MLANA: variants seen among roughly 807,000 people sequenced by gnomAD.
The protein encoded by MLANA is melan-A, also known as melanoma antigen recognized by T-cells 1.
A neutral mutation model predicts 15.7 loss-of-function variants in MLANA; 21 were observed. The ratio of observed to expected loss-of-function variants is 1.33; its 90% CI spans 0.95 to 1.92. The LOEUF is 1.92. Ranked by LOEUF, MLANA falls within the 40% of genes most tolerant of loss-of-function variation. The pLI is 0.00. For missense variants in MLANA, 164 were observed against 143.8 expected (o/e 1.14, Z -0.72); for synonymous variants, 56 against 51.5 (o/e 1.09, Z -0.37).
chr9:5,891,580 A>G (rs1831659809), intron 1 of MLANA, among the ~76,000 whole-genome samples: 1 of 152,198 alleles, frequency 6.6e-6, no homozygotes, highest in Non-Finnish European at 1.5e-5. Flanking sequence ...ATTCATGAGG[A>G]CAGTAAGAGA....
chr9:5,896,047 ACT>A (rs895638124), intron 2 of MLANA, among the ~76,000 whole-genome samples: 4 of 152,056 alleles, frequency 2.6e-5, no homozygotes, highest in African/African-American at 9.7e-5. Flanking sequence ...GGAAAGAGTG[ACT>A]CTGCAGGAAA....
At chr9:5,899,522 G>C (rs1489355225) in intron 3 of MLANA, among the ~76,000 whole-genome samples, 1 of 152,140 alleles carries the variant, frequency 6.6e-6, no homozygotes, top group African/African-American at 2.4e-5. Context: ...AGGAGGAGTT[G>C]ATGAATCTGA....
chr9:5,892,626 C>A, intron 2 of MLANA, 75 bp downstream of exon 2: 1 of 1,184,426 alleles, frequency 8.4e-7, no homozygotes, highest in Non-Finnish European at 1.2e-6. Flanking sequence ...TCCACCAGTA[C>A]ATGCCTGCTC....
chr9:5,892,330 C>A, intron 1 of MLANA, 120 bp from the exon 2 acceptor site: 1 of 553,752 alleles, frequency 1.8e-6, no homozygotes, highest in Admixed American at 3.9e-5. Flanking sequence ...CAGAGAGAAA[C>A]CAAAGGGTCC....
intron 3 of MLANA, among the ~76,000 whole-genome samples, chr9:5,899,473 G>C (rs1451006800): frequency 6.6e-6 from 1 of 152,152 alleles, no homozygotes; most frequent in Admixed American, 6.5e-5. Context: ...CACACCCACC[G>C]AGCATAGCCC....
At chr9:5,900,170 C>T (rs1343162165) in intron 3 of MLANA, among the ~76,000 whole-genome samples, 1 of 152,162 alleles carries the variant, frequency 6.6e-6, no homozygotes, top group Non-Finnish European at 1.5e-5. Context: ...ATGCTCTCAT[C>T]TTAAATTCAT....
intron 2 of MLANA, among the ~76,000 whole-genome samples, chr9:5,893,890 G>C (rs1831828277): frequency 6.6e-6 from 1 of 151,310 alleles, no homozygotes; most frequent in South Asian, 2.1e-4. Context: ...CGTCACTTCT[G>C]CTTATTGCTC....
chr9:5,898,442 C>A (rs899281944), intron 3 of MLANA, among the ~76,000 whole-genome samples: 1 of 152,182 alleles, frequency 6.6e-6, no homozygotes, highest in Admixed American at 6.5e-5. Context: ...GCCCTTGTAA[C>A]TTAATCACCT....
intron 3 of MLANA, chr9:5,899,186 G>A (rs969661685): frequency 6.6e-6 from 1 of 152,180 alleles, no homozygotes; most frequent in African/African-American, 2.4e-5. Context: ...TGGAAAAAAA[G>A]TATCTTTCCA....
chr9:5,907,007 A>G lies in MLANA; in HGVS notation c.288+9A>G. On this transcript the variant is annotated intron_variant, in intron 4 of 4. Transcript: ENST00000381477. Reference sequence around the variant, plus strand: ...AAAACTGTGAACCTGTGGTAGGTTAAGATCCTTCATAAGGGTATTTTCATG... The same window carrying G: ...AAAACTGTGAACCTGTGGTAGGTTAGGATCCTTCATAAGGGTATTTTCATG... The G allele has an allele frequency of 6.5e-7, 1 of 1,548,612 alleles. No homozygotes were observed. The highest frequency in any genetic ancestry group is 8.7e-7 in the Non-Finnish European group (1 of 1,144,228).
intron 4 of MLANA, among the ~76,000 whole-genome samples, chr9:5,907,904 G>C (rs550125562): frequency 1.3e-5 from 2 of 152,332 alleles, no homozygotes; most frequent in East Asian, 3.9e-4. Flanking sequence ...AGTGAGCCGA[G>C]ATAGTGCCAC....
intron 3 of MLANA, among the ~76,000 whole-genome samples, chr9:5,903,806 G>T (rs2129970539): frequency 6.6e-6 from 1 of 151,824 alleles, no homozygotes; most frequent in East Asian, 1.9e-4. Flanking sequence ...ACTAATATAG[G>T]AACTCCTACT....
Position 5,894,485 on chromosome 9 carries a change from G to T in MLANA, c.77+1934G>T, listed in dbSNP as rs546643445. Among the ~76,000 whole-genome samples, 1 of 152,138 alleles carries T rather than the reference G, an allele frequency of 6.6e-6. No homozygotes were observed. The highest frequency in any genetic ancestry group is 1.5e-5 in the Non-Finnish European group (1 of 68,030). On this transcript the variant is annotated intron_variant, in intron 2 of 4. Coordinates refer to ENST00000381477, the MANE Select transcript of MLANA (RefSeq NM_005511.2). The surrounding 1 kb of genome is among the most constrained non-coding windows in gnomAD (Gnocchi z 4.0). ...ATCAGGACCTAGAGTTGGGAGGAGG[G>T]ACGCCACAGAAATGGGACCCAGATC...
At chr9:5,898,561 T>C (rs1162533763) in intron 3 of MLANA, among the ~76,000 whole-genome samples, 2 of 152,164 alleles carry the variant, frequency 1.3e-5, no homozygotes, top group Admixed American at 6.5e-5. Flanking sequence ...GTTCTACTCA[T>C]AGCAGACTTG....
chr9:5,904,130 A>G (rs1832635594), intron 3 of MLANA, among the ~76,000 whole-genome samples: 1 of 152,074 alleles, frequency 6.6e-6, no homozygotes, highest in Admixed American at 6.5e-5. Flanking sequence ...AGTGCTTGGG[A>G]TTACAGGTGT....
intron 3 of MLANA, among the ~76,000 whole-genome samples, chr9:5,903,135 A>T (rs1335391115): frequency 6.6e-6 from 1 of 152,164 alleles, no homozygotes; most frequent in Non-Finnish European, 1.5e-5. Flanking sequence ...GGAATTTTTC[A>T]GTTATCTTTC....
intron 4 of MLANA, 189 bp downstream of exon 4, chr9:5,907,187 TAAA>T: frequency 2.7e-6 from 1 of 364,844 alleles, no homozygotes; most frequent in Non-Finnish European, 4.8e-6. Context: ...TAAATAATAA[TAAA>T]AAACAAGGGA....
In MLANA at chr9:5,897,538, T is replaced by C. The variant is rs1252951936; in HGVS notation, c.78-19T>C. 1 of 1,605,916 alleles carries C rather than the reference T, an allele frequency of 6.2e-7. No homozygotes were observed. Among genetic ancestry groups the C allele is most frequent in the African/African-American group, 1.3e-5 (1 of 74,770 alleles). On this transcript the variant is annotated intron_variant, in intron 2 of 4. Transcript: ENST00000381477. ...CAATGTTTCAATGACAAAGTGGATT[T>C]GTCTATCTCTTGGGCCAGGGCCGCT... is the stretch of plus-strand genomic sequence containing the variant.
intron 2 of MLANA, 67 bp from the exon 3 acceptor site, chr9:5,897,490 T>C: frequency 7.0e-7 from 1 of 1,423,890 alleles, no homozygotes; most frequent in Non-Finnish European, 9.9e-7. Flanking sequence ...GAAGACTGAT[T>C]TATGCTTCAT....
Sources: allele counts gnomAD v4.1 joint callset (sites outside exome capture counted in the v4.1 genomes callset), GRCh38; gene constraint gnomAD v4.1.1; non-coding constraint Gnocchi (gnomAD v3.1); transcripts MANE v1.5; gene names NCBI Gene and HGNC (gene_info 2026-07-23, HGNC 2026-07-21).